DLG2: variants seen among roughly 807,000 people sequenced by gnomAD.
DLG2 encodes disks large homolog 2.
In DLG2, 45 loss-of-function variants were observed where a neutral mutation model predicts 132.5. That is an observed-to-expected ratio of 0.34 (90% CI 0.27 to 0.44). The LOEUF (loss-of-function observed/expected upper bound fraction) is 0.44. Among genes scored for constraint, DLG2 ranks in the 20% least tolerant of loss-of-function variants. The probability of loss-of-function intolerance (pLI) is 1.00; values close to 1 mark genes in which losing one functional copy is unlikely to be tolerated. For synonymous variants in DLG2, 424 were observed against 419.6 expected (o/e 1.01, Z -0.13); for missense variants, 1,045 against 1,196.9 (o/e 0.87, Z 1.87).
intron 3 of DLG2, among the ~76,000 whole-genome samples, chr11:85,313,026 A>G (rs1478973517): frequency 6.6e-6 from 1 of 152,038 alleles, no homozygotes; most frequent in Non-Finnish European, 1.5e-5. Context: ...CTGTGGCTAT[A>G]TAACTGAATT....
At chr11:84,208,275 C>T (rs746441138) in intron 8 of DLG2, among the ~76,000 whole-genome samples, 5 of 151,922 alleles carry the variant, frequency 3.3e-5, no homozygotes, top group Non-Finnish European at 7.4e-5. Flanking sequence ...CTTTGGTGCA[C>T]TCTCTCAGGA....
At chr11:83,780,642 G>T (rs2094775597) in intron 18 of DLG2, among the ~76,000 whole-genome samples, 1 of 152,156 alleles carries the variant, frequency 6.6e-6, no homozygotes, top group African/African-American at 2.4e-5. Flanking sequence ...AGCCCGAATA[G>T]GTTCATTGTC....
chr11:83,602,103 T>C (rs2058661158), intron 19 of DLG2, among the ~76,000 whole-genome samples: 1 of 152,158 alleles, frequency 6.6e-6, no homozygotes. Flanking sequence ...ACAGAGGAAA[T>C]GAATGAACCA....
At chr11:84,671,409 T>C (rs1565618877) in intron 6 of DLG2, among the ~76,000 whole-genome samples, 1 of 152,094 alleles carries the variant, frequency 6.6e-6, no homozygotes, top group Non-Finnish European at 1.5e-5. Context: ...GGCCTTACAG[T>C]ACTACTCTTG....
At chr11:84,375,662 C>T (rs893810979) in intron 7 of DLG2, among the ~76,000 whole-genome samples, 2 of 150,376 alleles carry the variant, frequency 1.3e-5, no homozygotes, top group East Asian at 1.9e-4. Flanking sequence ...GGAAGAGCAA[C>T]TGGAATATTT....
chr11:85,439,356 A>ATTTT (rs35516320), intron 3 of DLG2, among the ~76,000 whole-genome samples: 1 of 132,420 alleles, frequency 7.6e-6, no homozygotes, highest in Non-Finnish European at 1.6e-5. Flanking sequence ...CTTCCTCAGC[A>ATTTT]TTTTTTTTTT....
intron 4 of DLG2, among the ~76,000 whole-genome samples, chr11:85,264,833 C>A (rs987401918): frequency 2.0e-5 from 3 of 152,186 alleles, no homozygotes; most frequent in Non-Finnish European, 4.4e-5. Flanking sequence ...TCAACAGTTA[C>A]TGACATTGAA....
intron 6 of DLG2, among the ~76,000 whole-genome samples, chr11:84,536,110 G>T (rs2099355006): frequency 6.6e-6 from 1 of 152,070 alleles, no homozygotes; most frequent in African/African-American, 2.4e-5. Context: ...GGGCAAGGTA[G>T]GCTTTCTTCA....
intron 8 of DLG2, among the ~76,000 whole-genome samples, chr11:84,217,194 T>C (rs1344082190): frequency 6.6e-6 from 1 of 152,218 alleles, no homozygotes; most frequent in Non-Finnish European, 1.5e-5. Flanking sequence ...AGAAATAAGG[T>C]GTCAGAAATA....
intron 6 of DLG2, among the ~76,000 whole-genome samples, chr11:85,103,668 C>G (rs1394024106): frequency 2.0e-5 from 3 of 151,738 alleles, no homozygotes; most frequent in Non-Finnish European, 4.4e-5. Context: ...TGGGTTATGC[C>G]AAGCCTTTTT....
At chr11:83,748,736 G>T (rs1024928182) in intron 18 of DLG2, among the ~76,000 whole-genome samples, 5 of 152,136 alleles carry the variant, frequency 3.3e-5, no homozygotes, top group Non-Finnish European at 5.9e-5. Flanking sequence ...TATAGTTTAA[G>T]GGTATCTTTT....
intron 18 of DLG2, among the ~76,000 whole-genome samples, chr11:83,687,448 T>C (rs929010203): frequency 6.6e-6 from 1 of 152,174 alleles, no homozygotes; most frequent in Non-Finnish European, 1.5e-5. Context: ...TGGCCCTTGT[T>C]GGTCCAGAGC....
chr11:83,927,272 C>A (rs544706686), intron 15 of DLG2, among the ~76,000 whole-genome samples: 17 of 152,158 alleles, frequency 1.1e-4, no homozygotes, highest in Admixed American at 6.5e-4. Context: ...CCACTCATTG[C>A]GCTTACAGTG....
chr11:85,536,214 CAAAAAAA>C (rs527811605), intron 3 of DLG2, among the ~76,000 whole-genome samples: 20 of 57,518 alleles, frequency 3.5e-4, no homozygotes, highest in Non-Finnish European at 2.7e-4. Flanking sequence ...GACCCTGTCT[CAAAAAAA>C]AAAAAAAAAA....
chr11:84,395,974 T>A (rs2098809524), intron 7 of DLG2, among the ~76,000 whole-genome samples: 1 of 152,212 alleles, frequency 6.6e-6, no homozygotes, highest in African/African-American at 2.4e-5. Context: ...TTTCACATAT[T>A]TTCCCCTATT....
intron 6 of DLG2, among the ~76,000 whole-genome samples, chr11:84,870,367 A>G (rs796705383): frequency 1.3e-5 from 2 of 152,196 alleles, no homozygotes; most frequent in African/African-American, 4.8e-5. Context: ...TCTTTCCAGC[A>G]AGATCCTGTT....
chr11:84,273,279 C>G (rs1281912433), intron 7 of DLG2: 2 of 1,092,314 alleles, frequency 1.8e-6, no homozygotes, highest in Non-Finnish European at 2.4e-6. Context: ...AACACTCAAA[C>G]TGAGCTCACA....
chr11:84,290,294 C>T (rs995229627), intron 7 of DLG2, among the ~76,000 whole-genome samples: 3 of 152,104 alleles, frequency 2.0e-5, no homozygotes, highest in Non-Finnish European at 2.9e-5. Flanking sequence ...CTGCTTTCTG[C>T]CTTCACTTTA....
intron 3 of DLG2, among the ~76,000 whole-genome samples, chr11:85,462,301 G>A (rs957602191): frequency 6.6e-6 from 1 of 152,270 alleles, no homozygotes; most frequent in Non-Finnish European, 1.5e-5. Flanking sequence ...CCATTACTGG[G>A]TATATACCCA....
Sources: gnomAD v4.1 joint callset for allele counts (sites outside exome capture counted in the v4.1 genomes callset) on GRCh38, gnomAD v4.1.1 for gene constraint, MANE v1.5 for transcripts, NCBI Gene and HGNC (gene_info 2026-07-23, HGNC 2026-07-21) for gene names.